Variants in TIMP4 observed in about 807,000 individuals in gnomAD.
The protein encoded by TIMP4 is metalloproteinase inhibitor 4.
Under a neutral mutation model 27.3 loss-of-function variants are expected in TIMP4, and 28 were observed. The ratio of observed to expected loss-of-function variants is 1.03; its 90% confidence interval spans 0.76 to 1.41. The LOEUF (loss-of-function observed/expected upper bound fraction) is 1.41. Ranked by LOEUF, TIMP4 falls within the 40% of genes most tolerant of loss-of-function variation. The probability of loss-of-function intolerance (pLI) is 0.00; values close to 1 mark genes in which losing one functional copy is unlikely to be tolerated. For synonymous variants in TIMP4, 138 were observed against 115.5 expected, an observed-to-expected ratio of 1.20 and a Z score of -1.25; for missense variants, 307 against 285.5, an observed-to-expected ratio of 1.08 and a Z score of -0.54.
rs766141465 is a variant in TIMP4, at chr3:12,158,848, C to T, written c.-8G>A. 5 of 1,565,202 alleles carry T rather than the reference C, an allele frequency of 3.2e-6. No homozygotes were observed. The highest frequency in any genetic ancestry group is 1.7e-6 in the Non-Finnish European group (2 of 1,159,950). ...CCGAGGGCTCCCAGGCATGACACTG[C>T]AGATCCGCGACTGAGCCTGTGAGGT... On this transcript the variant is annotated 5_prime_UTR_variant, in exon 1 of 5. Transcript: ENST00000287814.
intron 2 of TIMP4, among the ~76,000 whole-genome samples, chr3:12,157,173 G>T (rs1697483468): frequency 6.6e-6 from 1 of 152,176 alleles, no homozygotes; most frequent in South Asian, 2.1e-4. Context: ...TACACCAGCA[G>T]CTGTGGGACC....
In TIMP4 at chr3:12,154,370, C is replaced by T; in HGVS notation, c.434G>A (p.Arg145Lys). 1 of 1,614,204 alleles carries T rather than the reference C, an allele frequency of 6.2e-7. No individual in the cohort carries two copies. Among genetic ancestry groups the T allele is most frequent in the Non-Finnish European group, 8.5e-7 (1 of 1,180,034 alleles). Residue 145 changes from arginine (R) to lysine (K), a missense_variant, in exon 4 of 5, where the codon AGG becomes AAG. By Grantham distance (26) the Arg-to-Lys change is conservative. Transcript: ENST00000287814. Reference protein sequence around the residue: ...EPWEDLSLVQRESLNHHYHLN... With the variant: ...EPWEDLSLVQKESLNHHYHLN... ...ATGGTAGTGATGATTCAGACTTTCC[C>T]TCTGCACCAAGGACAGGTCCTCCCA...
Position 12,156,821 on chromosome 3 carries a change from A to T in TIMP4, c.351T>A (p.Thr117=), listed in dbSNP as rs1697470926. The change falls in exon 3 of 5, where the codon ACT becomes ACA. Residue 117 remains threonine, a splice_region_variant and synonymous_variant. Transcript: ENST00000287814. ...CCAGTTGTTGGTCTTTTAACTTACCAGTCAAGAGATACTGCTTCTGGCTGT... is the reference window on the plus strand; with the variant it reads ...CCAGTTGTTGGTCTTTTAACTTACCTGTCAAGAGATACTGCTTCTGGCTGT... ...EANSQKQYLL[T]GQVLSDGKVF... The T allele has an allele frequency of 6.2e-7, 1 of 1,613,002 alleles. No homozygotes were observed. The highest frequency in any genetic ancestry group is 1.3e-5 in the African/African-American group (1 of 74,922).
intron 2 of TIMP4, 56 bp downstream of exon 2, chr3:12,157,329 A>G: frequency 6.5e-7 from 1 of 1,546,650 alleles, no homozygotes; most frequent in South Asian, 1.1e-5. Flanking sequence ...CAGAACACAG[A>G]CTCCACTTTC....
rs979861735 is a variant in TIMP4 at position 12,154,419 on chromosome 3, G to C, written c.385C>G (p.His129Asp). 2 of 1,614,134 alleles carry C rather than the reference G, an allele frequency of 1.2e-6. No homozygotes were observed. Among genetic ancestry groups the C allele is most frequent in the Admixed American group, 1.7e-5 (1 of 60,020 alleles). The change falls in exon 4 of 5, where the codon CAT (histidine) becomes GAT (aspartate). Residue 129 changes from histidine to aspartate, a missense_variant. Coordinates refer to ENST00000287814, the MANE Select transcript of TIMP4 (RefSeq NM_003256.4). ...CAGGGCTCGATGTAGTTGCACAGAT[G>C]GATGAAGACTTTTCCATCACTGAGG... ...QVLSDGKVFI[H>D]LCNYIEPWED...
chr3:12,154,394 C>G lies in TIMP4; in HGVS notation c.410G>C (p.Trp137Ser). ...CCTCTGCACCAAGGACAGGTCCTCC[C>G]AGGGCTCGATGTAGTTGCACAGATG... ...FIHLCNYIEP[W>S]EDLSLVQRES... The change falls in exon 4 of 5, where the codon TGG becomes TCG. Residue 137 changes from tryptophan to serine, a missense_variant. Physicochemically the swap from Trp to Ser is radical, Grantham distance 177. Coordinates refer to ENST00000287814, the MANE Select transcript of TIMP4 (RefSeq NM_003256.4). 6.2e-7 allele frequency: 1 copy of G among 1,614,192 alleles called. No homozygotes were observed. Among genetic ancestry groups the G allele is most frequent in the Non-Finnish European group, 8.5e-7 (1 of 1,180,026 alleles).
Position 12,156,897 on chromosome 3 carries a change from T to C in TIMP4, c.275A>G (p.Tyr92Cys), listed in dbSNP as rs769898540. ...GGAAGAGTCAAAAGGCGTATAGATATACTGAACATCCTTGACTTTCTCAAA... is the reference window on the plus strand; with the variant it reads ...GGAAGAGTCAAAAGGCGTATAGATACACTGAACATCCTTGACTTTCTCAAA... ...KGFEKVKDVQYIYTPFDSSLC... is the reference protein window; with the variant it reads ...KGFEKVKDVQCIYTPFDSSLC... Residue 92 changes from tyrosine to cysteine, a missense_variant, in exon 3 of 5, where the codon TAT (tyrosine) becomes TGT (cysteine). Tyr to Cys is a radical substitution (Grantham distance 194). Transcript: ENST00000287814. 4.3e-6 allele frequency: 7 copies of C among 1,614,092 alleles called. No homozygotes were observed. Among genetic ancestry groups the C allele is most frequent in the Non-Finnish European group, 5.9e-6 (7 of 1,180,040 alleles).
At chr3:12,157,610 A>G (rs1697496732) in intron 1 of TIMP4, 128 bp from the exon 2 acceptor site, 1 of 812,934 alleles carries the variant, frequency 1.2e-6, no homozygotes, top group African/African-American at 1.7e-5. Flanking sequence ...CTGGGTTGTG[A>G]GCAACGTGAT....
Position 12,153,371 on chromosome 3 carries a change from C to T in TIMP4, c.*144G>A. On this transcript the variant is annotated 3_prime_UTR_variant, in exon 5 of 5. Coordinates refer to ENST00000287814, the MANE Select transcript of TIMP4 (RefSeq NM_003256.4). ...AGAAAAGTCATGGCCCCTTCCCTGC[C>T]TTGACAGTGGCCAGACTGTCCACTT... is the stretch of plus-strand genomic sequence containing the variant. 5 of 976,674 alleles carry T rather than the reference C, an allele frequency of 5.1e-6. No individual in the cohort carries two copies. Among genetic ancestry groups the T allele is most frequent in the Non-Finnish European group, 7.9e-6 (5 of 629,152 alleles). The allele number at this position is 976,674 out of a possible 1,614,324, so 60.5% of individuals were successfully genotyped here. A position where few individuals can be genotyped will look rare whatever the true frequency, so the allele number is the denominator to read the frequency against.
intron 3 of TIMP4, 35 bp downstream of exon 3, chr3:12,156,785 T>C: frequency 6.4e-7 from 1 of 1,555,316 alleles, no homozygotes; most frequent in Non-Finnish European, 8.9e-7. Flanking sequence ...GCAGAATCTA[T>C]TATATTAAGG....
intron 1 of TIMP4, 158 bp downstream of exon 1, chr3:12,158,544 A>C: frequency 9.3e-7 from 1 of 1,073,916 alleles, no homozygotes; most frequent in Non-Finnish European, 1.3e-6. Flanking sequence ...CAAGGTTGCT[A>C]TGGCGCCTGG....
At chr3:12,157,570 T>C in intron 1 of TIMP4, 88 bp from the exon 2 acceptor site, 2 of 1,308,450 alleles carry the variant, frequency 1.5e-6, no homozygotes, top group Non-Finnish European at 2.2e-6. Flanking sequence ...CATGAAGAAG[T>C]CTATAGGGCA....
intron 3 of TIMP4, among the ~76,000 whole-genome samples, chr3:12,156,132 T>C (rs1697449502): frequency 6.6e-6 from 1 of 152,220 alleles, no homozygotes; most frequent in Non-Finnish European, 1.5e-5. Flanking sequence ...GGATAGATCG[T>C]GGAATCCCTT....
rs1322937355 is a variant in TIMP4 at position 12,157,530 on chromosome 3, A to C, written c.140-48T>G. ...GAACCTTCAGCAGCTGGTGGGGGCAATACACCTGAGGTCTGGATGATCCAG... is the reference window on the plus strand; with the variant it reads ...GAACCTTCAGCAGCTGGTGGGGGCACTACACCTGAGGTCTGGATGATCCAG... On this transcript the variant is annotated intron_variant, in intron 1 of 4. Coordinates refer to ENST00000287814, the MANE Select transcript of TIMP4 (RefSeq NM_003256.4). The C allele has an allele frequency of 3.8e-6, 6 of 1,568,418 alleles. No individual in the cohort carries two copies. The South Asian group carries it at 6.7e-5, about 17-fold the overall frequency.
chr3:12,156,822 G>A lies in TIMP4; in HGVS notation c.350C>T (p.Thr117Ile). The change falls in exon 3 of 5, where the codon ACT becomes ATT. Residue 117 changes from threonine (T) to isoleucine (I), a missense_variant and splice_region_variant. Physicochemically the swap from Thr to Ile is moderately conservative, Grantham distance 89. Transcript: ENST00000287814. ...EANSQKQYLL[T>I]GQVLSDGKVF... ...CAGTTGTTGGTCTTTTAACTTACCA[G>A]TCAAGAGATACTGCTTCTGGCTGTT... 6.2e-7 allele frequency: 1 copy of A among 1,613,252 alleles called. No individual in the cohort carries two copies. Among genetic ancestry groups the A allele is most frequent in the Non-Finnish European group, 8.5e-7 (1 of 1,179,192 alleles).
rs144367186 is a variant in TIMP4 at position 12,157,611 on chromosome 3, G to A, written c.140-129C>T. 2.8e-4 allele frequency: 218 copies of A among 787,720 alleles called. 2 individuals are homozygous for A. In the East Asian group the frequency reaches 5.8e-3, roughly 21 times the overall value. 48.8% of individuals were successfully genotyped at this position (787,720 alleles called of 1,614,324 possible). The stretch of plus-strand genomic sequence containing the variant: ...TGGTTTTGGTGTGGCTGGGTTGTGA[G>A]CAACGTGATGTGTGAGAAGGGGGAC... On this transcript the variant is annotated intron_variant, in intron 1 of 4. Transcript: ENST00000287814.
chr3:12,158,351 C>A (rs558113608), intron 1 of TIMP4, among the ~76,000 whole-genome samples: 1 of 152,278 alleles, frequency 6.6e-6, no homozygotes, highest in African/African-American at 2.4e-5. Context: ...AGTTACAATG[C>A]AAGCCCTCTC....
Position 12,156,854 on chromosome 3 carries a change from T to A in TIMP4, c.318A>T (p.Leu106=). The change falls in exon 3 of 5, where the codon CTA becomes CTT. Residue 106 remains leucine (L), a synonymous_variant. Transcript: ENST00000287814. ...GATACTGCTTCTGGCTGTTGGCTTC[T>A]AGTTTCACACCACAGAGGGAAGAGT... The part of the protein sequence containing the change: ...PFDSSLCGVK[L]EANSQKQYLL... 6.2e-7 allele frequency: 1 copy of A among 1,614,226 alleles called. No individual in the cohort carries two copies. Among genetic ancestry groups the A allele is most frequent in the Non-Finnish European group, 8.5e-7 (1 of 1,180,020 alleles).
chr3:12,158,763 C>T lies in TIMP4; in HGVS notation c.78G>A (p.Leu26=), dbSNP rs1177559493. The T allele has an allele frequency of 1.9e-6, 3 of 1,606,964 alleles. No individual in the cohort carries two copies. The highest frequency in any genetic ancestry group is 1.1e-5 in the South Asian group (1 of 90,976). Residue 26 remains leucine (L), a synonymous_variant, in exon 1 of 5, where the codon CTG becomes CTA. Coordinates refer to ENST00000287814, the MANE Select transcript of TIMP4 (RefSeq NM_003256.4). The part of the protein sequence containing the change: ...RLLALLRPPG[L]GEACSCAPAH... ...CCGGGGCGCAGCTGCATGCCTCACC[C>T]AGCCCCGGGGGCCGCAGCAACGCCA...
Sources: allele counts gnomAD v4.1 joint callset (sites outside exome capture counted in the v4.1 genomes callset), GRCh38; gene constraint gnomAD v4.1.1; transcripts MANE v1.5; gene names NCBI Gene and HGNC (gene_info 2026-07-23, HGNC 2026-07-21).